AGAP1: variants seen among roughly 807,000 people sequenced by gnomAD.
AGAP1 encodes the protein arf-GAP with GTPase, ANK repeat and PH domain-containing protein 1.
A neutral mutation model predicts 105.3 loss-of-function variants in AGAP1; 29 were observed. The ratio of observed to expected loss-of-function variants is 0.28; its 90% CI spans 0.21 to 0.38. AGAP1 has a LOEUF of 0.38. Ranked by LOEUF, AGAP1 falls within the 10% of genes least tolerant of loss-of-function variation. The pLI, the probability that AGAP1 is intolerant of heterozygous loss-of-function variation, is 1.00. For synonymous variants in AGAP1, 509 were observed against 485.9 expected (o/e 1.05, Z -0.63); for missense variants, 998 against 1,165.1 (o/e 0.86, Z 2.09).
At chr2:235,636,817 C>T (rs569690945) in intron 1 of AGAP1, among the ~76,000 whole-genome samples, 37 of 152,172 alleles carry the variant, frequency 2.4e-4, no homozygotes, top group African/African-American at 8.9e-4. Flanking sequence ...GTGGGGTGGG[C>T]CCCTCATCTA....
chr2:235,791,135 C>T (rs375503575), intron 6 of AGAP1, among the ~76,000 whole-genome samples: 1 of 152,220 alleles, frequency 6.6e-6, no homozygotes, highest in African/African-American at 2.4e-5. Flanking sequence ...AGTACACCTT[C>T]TTTAACATTT....
intron 9 of AGAP1, among the ~76,000 whole-genome samples, chr2:235,846,537 G>T (rs1453574800): frequency 6.6e-6 from 1 of 151,364 alleles, no homozygotes; most frequent in Non-Finnish European, 1.5e-5. Context: ...TACCATTTTG[G>T]CCAGGCTGGT....
At position 236,047,598 on chromosome 2, in the gene AGAP1, C is replaced by CTTTTTTT. The variant is rs59007077; in HGVS notation, c.1892-1445_1892-1439dup. Reference sequence around the variant, plus strand: ...GTCACAGACCTCTCTTCTCACATTTCTTTTTTTTTTTTTTTTTTTTTTGAG... The same window carrying CTTTTTTT: ...GTCACAGACCTCTCTTCTCACATTTCTTTTTTTTTTTTTTTTTTTTTTTTTTTTTGAG... On this transcript the variant is annotated intron_variant, in intron 15 of 17. Coordinates refer to ENST00000304032, the MANE Select transcript of AGAP1 (RefSeq NM_001037131.3). Among the ~76,000 whole-genome samples the CTTTTTTT allele has an allele frequency of 6.2e-4, 42 of 68,286 alleles. 5 individuals are homozygous for CTTTTTTT. The highest frequency in any genetic ancestry group is 2.7e-3 in the African/African-American group (38 of 14,154). The allele number at this position is 68,286 out of a possible 152,430, so 44.8% of individuals were successfully genotyped here.
At chr2:235,598,126 T>G (rs1384659914) in intron 1 of AGAP1, among the ~76,000 whole-genome samples, 1 of 152,118 alleles carries the variant, frequency 6.6e-6, no homozygotes, top group African/African-American at 2.4e-5. Flanking sequence ...CCATGTTTCC[T>G]TTGGGTCTTC....
intron 3 of AGAP1, among the ~76,000 whole-genome samples, chr2:235,726,813 G>A (rs1230395704): frequency 6.6e-6 from 1 of 151,930 alleles, no homozygotes; most frequent in Non-Finnish European, 1.5e-5. Flanking sequence ...GAGGGGGTGG[G>A]CCAGTGGTGA....
chr2:235,808,217 CAGG>C (rs1957943361), intron 9 of AGAP1, among the ~76,000 whole-genome samples: 1 of 152,180 alleles, frequency 6.6e-6, no homozygotes, highest in Admixed American at 6.5e-5. Flanking sequence ...CCTCTGTGGG[CAGG>C]AGAATGGCTC....
At chr2:235,770,292 G>A (rs1055955235) in intron 6 of AGAP1, among the ~76,000 whole-genome samples, 2 of 150,334 alleles carry the variant, frequency 1.3e-5, no homozygotes, top group African/African-American at 2.5e-5. Context: ...GCCACCCCAC[G>A]CCTGGCTAAT....
intron 12 of AGAP1, among the ~76,000 whole-genome samples, chr2:235,947,387 C>A (rs1433793143): frequency 6.6e-6 from 1 of 152,196 alleles, no homozygotes; most frequent in Non-Finnish European, 1.5e-5. Context: ...GCCCAGGTTG[C>A]TGTAAATGCC....
intron 16 of AGAP1, among the ~76,000 whole-genome samples, chr2:236,086,727 G>T (rs966098077): frequency 6.6e-6 from 1 of 152,172 alleles, no homozygotes; most frequent in African/African-American, 2.4e-5. Flanking sequence ...TCAGGAATGA[G>T]ATAGAAAGGG....
chr2:235,763,989 T>TGCGGCTATGATCCGTGC (rs141322604), intron 6 of AGAP1, among the ~76,000 whole-genome samples: 4,373 of 142,820 alleles, frequency 0.031, 212 homozygotes, highest in African/African-American at 0.12. Context: ...AAGATCTGTG[T>TGCGGCTATGATCCGTGC]GTGGCTGTGA....
chr2:235,709,369 G>A (rs887559527), intron 2 of AGAP1, 132 bp downstream of exon 2: 9 of 1,033,442 alleles, frequency 8.7e-6, no homozygotes, highest in Non-Finnish European at 1.3e-5. Context: ...GTGTTCCTGG[G>A]AAGGGCCAGG....
intron 1 of AGAP1, among the ~76,000 whole-genome samples, chr2:235,590,676 T>TGC (rs1165276551): frequency 9.6e-6 from 1 of 103,898 alleles, no homozygotes; most frequent in Admixed American, 8.7e-5. Flanking sequence ...TGTGTGTGTG[T>TGC]GTGTGTGTGC....
intron 10 of AGAP1, among the ~76,000 whole-genome samples, chr2:235,899,864 A>T (rs989152259): frequency 2.0e-5 from 3 of 152,232 alleles, no homozygotes; most frequent in African/African-American, 7.2e-5. Flanking sequence ...TTTAACCTAG[A>T]ATGAGAAAAA....
chr2:235,765,406 C>T (rs6712556), intron 6 of AGAP1, among the ~76,000 whole-genome samples: 42,371 of 151,736 alleles, frequency 0.28, 6,198 homozygotes, highest in Admixed American at 0.41. Flanking sequence ...CCCACAGGCC[C>T]GGCCCCTCCA....
Position 236,062,146 on chromosome 2 carries a change from G to C in AGAP1, c.2114+12865G>C, listed in dbSNP as rs762978490. Among the ~76,000 whole-genome samples, 3 of 152,198 alleles carry C rather than the reference G, an allele frequency of 2.0e-5. No individual in the cohort carries two copies. The highest frequency in any genetic ancestry group is 2.9e-5 in the Non-Finnish European group (2 of 68,028). On this transcript the variant is annotated intron_variant, in intron 16 of 17. Transcript: ENST00000304032. The surrounding 1 kb of genome is among the most constrained non-coding windows in gnomAD (Gnocchi z 4.2). ...GAAGGTGGTGCCTATGTCCAGGGGA[G>C]CAAGTGAGCCTGAATCAGCGATCAT... is the stretch of plus-strand genomic sequence containing the variant.
At chr2:236,039,999 A>C (rs896063526) in intron 14 of AGAP1, among the ~76,000 whole-genome samples, 1 of 151,856 alleles carries the variant, frequency 6.6e-6, no homozygotes, top group Non-Finnish European at 1.5e-5. Context: ...TAATCTCAAC[A>C]CTATAGGAGG....
intron 1 of AGAP1, among the ~76,000 whole-genome samples, chr2:235,590,128 G>A (rs548473736): frequency 6.6e-6 from 1 of 151,966 alleles, no homozygotes; most frequent in African/African-American, 2.4e-5. Flanking sequence ...TGATCTGCCC[G>A]CCTCGGCCTC....
In AGAP1 at chr2:235,930,946, G is replaced by A. The variant is rs370255894; in HGVS notation, c.1483+23G>A. 2.2e-5 allele frequency: 35 copies of A among 1,609,694 alleles called. No individual in the cohort carries two copies. The highest frequency in any genetic ancestry group is 9.4e-5 in the African/African-American group (7 of 74,836). ...GTGGTAAGAGGGGGCTCAGCCCCAC[G>A]GACCCGCAGCCACCTCAAGGTCCTT... On this transcript the variant is annotated intron_variant, in intron 12 of 17. Transcript: ENST00000304032. The surrounding 1 kb of genome is among the most constrained non-coding windows in gnomAD (Gnocchi z 7.9).
intron 16 of AGAP1, among the ~76,000 whole-genome samples, chr2:236,059,362 C>T (rs2100370): frequency 0.014 from 2,183 of 152,254 alleles, 53 homozygotes; most frequent in African/African-American, 0.048. Flanking sequence ...ATCATGTTCA[C>T]GGATTGGAAT....
Sources: allele counts gnomAD v4.1 joint callset (sites outside exome capture counted in the v4.1 genomes callset), GRCh38; gene constraint gnomAD v4.1.1; non-coding constraint Gnocchi (gnomAD v3.1); transcripts MANE v1.5; gene names NCBI Gene and HGNC (gene_info 2026-07-23, HGNC 2026-07-21).